The following KLHL2 variants were observed in gnomAD, a reference collection of about 807,000 sequenced individuals.
KLHL2 encodes the protein kelch-like protein 2.
Under a neutral mutation model 75.8 loss-of-function variants are expected in KLHL2, and 15 were observed. The observed-to-expected ratio is 0.20, with a 90% CI of 0.13 to 0.30. The LOEUF is 0.30. KLHL2 is among the 10% of genes least tolerant of loss of function. The pLI is 1.00. For missense variants in KLHL2, 381 were observed against 741.0 expected (o/e 0.51, Z 5.64); for synonymous variants, 214 against 251.9 (o/e 0.85, Z 1.42).
In KLHL2 at chr4:165,228,838, G is replaced by T; in HGVS notation, c.184G>T (p.Ala62Ser). Residue 62 changes from alanine (A) to serine (S), a missense_variant, in exon 3 of 15, where the codon GCA becomes TCA. Physicochemically the swap from Ala to Ser is moderately conservative, Grantham distance 99 (BLOSUM62 1). This residue lies in a region of KLHL2 where 48 missense variants were observed against 88.9 expected (regional missense o/e 0.54). Transcript: ENST00000226725. ...QNLLCDVTIV[A>S]EDMEISAHRV... ...TTTGCTGTGCGATGTCACAATTGTG[G>T]CAGAAGACATGGAAATTTCTGCTCA... is the stretch of plus-strand genomic sequence containing the variant. 1 of 1,613,144 alleles carries T rather than the reference G, an allele frequency of 6.2e-7. No homozygotes were observed. Among genetic ancestry groups the T allele is most frequent in the Non-Finnish European group, 8.5e-7 (1 of 1,179,354 alleles).
chr4:165,315,217 A>C (rs1013135700), intron 13 of KLHL2, among the ~76,000 whole-genome samples: 2 of 152,096 alleles, frequency 1.3e-5, no homozygotes, highest in African/African-American at 4.8e-5. Flanking sequence ...TTGCAATTTG[A>C]GCTTTTTATG....
chr4:165,280,762 C>T (rs1489142965), intron 5 of KLHL2, among the ~76,000 whole-genome samples: 3 of 152,210 alleles, frequency 2.0e-5, no homozygotes, highest in East Asian at 1.9e-4. Context: ...GCAGTCTCTG[C>T]TATGCCTTGT....
At chr4:165,217,261 A>G (rs1737612402) in intron 1 of KLHL2, among the ~76,000 whole-genome samples, 1 of 152,218 alleles carries the variant, frequency 6.6e-6, no homozygotes, top group Non-Finnish European at 1.5e-5. Context: ...GAAAGTTTGC[A>G]TGGGTTGCAT....
intron 3 of KLHL2, among the ~76,000 whole-genome samples, chr4:165,236,301 A>G (rs1194591862): frequency 6.6e-6 from 1 of 152,230 alleles, no homozygotes; most frequent in Non-Finnish European, 1.5e-5. Context: ...TAAACAATAA[A>G]CTATAATCTC....
chr4:165,255,665 A>T (rs1040472576), intron 4 of KLHL2, among the ~76,000 whole-genome samples: 2 of 152,080 alleles, frequency 1.3e-5, no homozygotes, highest in Non-Finnish European at 2.9e-5. Context: ...TGCTATGTGC[A>T]TCCAACCATG....
intron 4 of KLHL2, among the ~76,000 whole-genome samples, chr4:165,258,407 A>AG (rs1250197132): frequency 6.6e-6 from 1 of 151,740 alleles, no homozygotes; most frequent in African/African-American, 2.4e-5. Flanking sequence ...AAAAAAAAAA[A>AG]AAAAAAGGAT....
At chr4:165,297,285 C>T (rs7663561) in intron 6 of KLHL2, among the ~76,000 whole-genome samples, 12,794 of 151,834 alleles carry the variant, frequency 0.084, 628 homozygotes, top group Middle Eastern at 0.14. Context: ...TACAAACCTT[C>T]GATTTATGTG....
chr4:165,215,619 A>G (rs138330198), intron 1 of KLHL2, among the ~76,000 whole-genome samples: 1,644 of 152,256 alleles, frequency 0.011, 29 homozygotes, highest in African/African-American at 0.037. Flanking sequence ...AGGGGAGAAC[A>G]GTGATGGTGG....
intron 5 of KLHL2, among the ~76,000 whole-genome samples, chr4:165,282,446 T>C (rs993416597): frequency 6.6e-5 from 10 of 152,230 alleles, no homozygotes; most frequent in African/African-American, 2.4e-4. Flanking sequence ...ACCAATTATG[T>C]ATTCGTGTCC....
intron 5 of KLHL2, among the ~76,000 whole-genome samples, chr4:165,292,171 T>C (rs1744565059): frequency 6.6e-6 from 1 of 152,246 alleles, no homozygotes; most frequent in South Asian, 2.1e-4. Context: ...ACTGTATTTG[T>C]CATTTACATC....
Position 165,207,920 on chromosome 4 carries a change from C to T in KLHL2, c.26+18C>T, listed in dbSNP as rs1736937312. The T allele has an allele frequency of 2.1e-6, 3 of 1,408,020 alleles. No homozygotes were observed. The highest frequency in any genetic ancestry group is 1.5e-5 in the African/African-American group (1 of 66,012). The allele number at this position is 1,408,020 out of a possible 1,614,324, so 87.2% of individuals were successfully genotyped here. A position where few individuals can be genotyped will look rare whatever the true frequency, so the allele number is the denominator to read the frequency against. ...CCTCCCGCGTGAGTGAGCGGGCGGG[C>T]GGGCTGCGCCGCTGCGGATAAGCGC... On this transcript the variant is annotated intron_variant, in intron 1 of 14. Coordinates refer to ENST00000226725, the MANE Select transcript of KLHL2 (RefSeq NM_007246.4). This position sits in a 1 kb window ranked among gnomAD's most constrained non-coding sequence, Gnocchi z 4.2.
chr4:165,230,688 T>G (rs2111047607), intron 3 of KLHL2, among the ~76,000 whole-genome samples: 1 of 152,276 alleles, frequency 6.6e-6, no homozygotes, highest in East Asian at 1.9e-4. Context: ...GGAGACTTAG[T>G]GTCTCCAAAC....
At chr4:165,263,805 G>GTTTTTTTTTTTTTTTTTT (rs55901119) in intron 5 of KLHL2, among the ~76,000 whole-genome samples, 5 of 66,480 alleles carry the variant, frequency 7.5e-5, no homozygotes, top group East Asian at 5.8e-4. Flanking sequence ...TTTTTACATT[G>GTTTTTTTTTTTTTTTTTT]TTTTTTTTTT....
chr4:165,262,256 A>G (rs975835208), intron 4 of KLHL2, among the ~76,000 whole-genome samples: 2 of 152,208 alleles, frequency 1.3e-5, no homozygotes, highest in African/African-American at 4.8e-5. Flanking sequence ...TGCAAATTAA[A>G]AAGTTATTAG....
chr4:165,226,693 A>C (rs1490902992), intron 2 of KLHL2, among the ~76,000 whole-genome samples: 1 of 152,120 alleles, frequency 6.6e-6, no homozygotes, highest in East Asian at 1.9e-4. Context: ...TATATATAGA[A>C]CTTAAAAATA....
At position 165,207,844 on chromosome 4, in the gene KLHL2, G is replaced by C. The variant is rs1736929254; in HGVS notation, c.-33G>C. 1 of 1,447,612 alleles carries C rather than the reference G, an allele frequency of 6.9e-7. No homozygotes were observed. The highest frequency in any genetic ancestry group is 1.3e-5 in the South Asian group (1 of 77,436). The allele number at this position is 1,447,612 out of a possible 1,614,324, so 89.7% of individuals were successfully genotyped here. A position where few individuals can be genotyped will look rare whatever the true frequency, so the allele number is the denominator to read the frequency against. ...GGAATGGTGCTGGCTGTGTTGGTCG[G>C]TGCCTGCGTTCTGAAGCCCGAGAGG... On this transcript the variant is annotated 5_prime_UTR_variant, in exon 1 of 15. Coordinates refer to ENST00000226725, the MANE Select transcript of KLHL2 (RefSeq NM_007246.4). This position sits in a 1 kb window ranked among gnomAD's most constrained non-coding sequence, Gnocchi z 4.2.
intron 8 of KLHL2, among the ~76,000 whole-genome samples, chr4:165,301,056 T>G (rs1745315766): frequency 6.6e-6 from 1 of 152,204 alleles, no homozygotes; most frequent in Non-Finnish European, 1.5e-5. Flanking sequence ...GCAAATATTT[T>G]AATTTAGAAT....
intron 4 of KLHL2, among the ~76,000 whole-genome samples, chr4:165,257,245 G>A (rs551713093): frequency 6.6e-6 from 1 of 152,230 alleles, no homozygotes; most frequent in Non-Finnish European, 1.5e-5. Flanking sequence ...AGCTGGAAAG[G>A]AGGGAAAACC....
At chr4:165,215,011 T>C (rs1333769452) in intron 1 of KLHL2, among the ~76,000 whole-genome samples, 1 of 152,164 alleles carries the variant, frequency 6.6e-6, no homozygotes, top group Non-Finnish European at 1.5e-5. Context: ...AGTTCTTACA[T>C]GTCTATAGGG....
Sources: allele counts gnomAD v4.1 joint callset (sites outside exome capture counted in the v4.1 genomes callset), GRCh38; gene constraint gnomAD v4.1.1; regional missense constraint gnomAD v4.1.1; non-coding constraint Gnocchi (gnomAD v3.1); transcripts MANE v1.5; gene names NCBI Gene and HGNC (gene_info 2026-07-23, HGNC 2026-07-21).